Variants in WWOX observed in about 807,000 individuals in gnomAD.
WWOX encodes WW domain containing oxidoreductase.
In WWOX, 69 loss-of-function variants were observed where a neutral mutation model predicts 46.2. That is an observed-to-expected ratio of 1.49 (90% CI 1.23 to 1.82). The LOEUF is 1.82. WWOX is among the 40% of genes most tolerant of loss of function. The probability of loss-of-function intolerance (pLI) is 0.00; values close to 1 mark genes in which losing one functional copy is unlikely to be tolerated. For missense variants in WWOX, 919 were observed against 542.6 expected, an observed-to-expected ratio of 1.69 and a Z score of -6.89; for synonymous variants, 359 against 202.6, an observed-to-expected ratio of 1.77 and a Z score of -6.56.
chr16:78,673,072 A>G (rs186482984), intron 8 of WWOX, among the ~76,000 whole-genome samples: 250 of 152,344 alleles, frequency 1.6e-3, no homozygotes, highest in Non-Finnish European at 2.4e-3. Flanking sequence ...GCAATGGATC[A>G]TGCTTAGAGG....
At chr16:78,295,197 C>T (rs189197491) in intron 5 of WWOX, among the ~76,000 whole-genome samples, 16 of 152,180 alleles carry the variant, frequency 1.1e-4, no homozygotes, top group Non-Finnish European at 2.9e-5. Flanking sequence ...TCATCTACAA[C>T]CCTGCAGATC....
intron 8 of WWOX, among the ~76,000 whole-genome samples, chr16:78,807,951 C>T (rs1324870391): frequency 6.6e-6 from 1 of 152,234 alleles, no homozygotes; most frequent in Non-Finnish European, 1.5e-5. Context: ...TTTCATCGGA[C>T]AGTTTAACTG....
chr16:78,581,801 C>T (rs190346539), intron 8 of WWOX, among the ~76,000 whole-genome samples: 3 of 152,280 alleles, frequency 2.0e-5, no homozygotes, highest in African/African-American at 7.2e-5. Flanking sequence ...AAGTTTTCCC[C>T]ATACCAACTA....
At chr16:78,878,903 A>AAG (rs1187719395) in intron 8 of WWOX, among the ~76,000 whole-genome samples, 2 of 111,676 alleles carry the variant, frequency 1.8e-5, no homozygotes, top group Non-Finnish European at 4.1e-5. Flanking sequence ...AAAAAAATGA[A>AAG]AAAAAAAAAA....
rs183191237 is a variant in WWOX, at chr16:78,538,933, A to G, written c.1056+106181A>G. Reference sequence around the variant, plus strand: ...TGTTTCTTCTGTTGCAATTTCTTCCATTACCTGGAATAGCTGCTTTGGACG... The same window carrying G: ...TGTTTCTTCTGTTGCAATTTCTTCCGTTACCTGGAATAGCTGCTTTGGACG... On this transcript the variant is annotated intron_variant, in intron 8 of 8. Transcript: ENST00000566780. Among the ~76,000 whole-genome samples, 6 of 152,266 alleles carry G rather than the reference A, an allele frequency of 3.9e-5. No homozygotes were observed. In the East Asian group the frequency reaches 1.2e-3, roughly 29 times the overall value.
chr16:78,812,116 C>T (rs1176097518), intron 8 of WWOX, among the ~76,000 whole-genome samples: 1 of 152,106 alleles, frequency 6.6e-6, no homozygotes, highest in Non-Finnish European at 1.5e-5. Flanking sequence ...TCCCCAGCCA[C>T]CACAGAGACC....
At chr16:78,409,159 A>G (rs566026414) in intron 6 of WWOX, among the ~76,000 whole-genome samples, 14 of 152,322 alleles carry the variant, frequency 9.2e-5, no homozygotes, top group African/African-American at 3.4e-4. Context: ...GTAGGATGTG[A>G]TCAGTGCTTT....
intron 8 of WWOX, among the ~76,000 whole-genome samples, chr16:78,593,515 C>A (rs1597319619): frequency 6.6e-6 from 1 of 152,212 alleles, no homozygotes; most frequent in Admixed American, 6.5e-5. Context: ...CCAGGTCAGA[C>A]CAGTCACAGT....
intron 8 of WWOX, among the ~76,000 whole-genome samples, chr16:78,810,326 A>G (rs923912395): frequency 6.6e-6 from 1 of 152,118 alleles, no homozygotes; most frequent in Non-Finnish European, 1.5e-5. Context: ...CTGCCCAATC[A>G]CCTACCCTGC....
intron 8 of WWOX, among the ~76,000 whole-genome samples, chr16:78,672,012 C>G (rs994506773): frequency 1.1e-4 from 16 of 152,090 alleles, no homozygotes; most frequent in African/African-American, 3.9e-4. Flanking sequence ...ACATCATCTG[C>G]TTTTGGGTAG....
intron 5 of WWOX, among the ~76,000 whole-genome samples, chr16:78,370,976 A>ATGTCTTTTTTTTTTTTTTTTTTTTTTTT (rs776317489): frequency 7.8e-6 from 1 of 128,588 alleles, no homozygotes; most frequent in Non-Finnish European, 1.7e-5. Flanking sequence ...CTGTGTTGTG[A>ATGTCTTTTTTTTTTTTTTTTTTTTTTTT]TTTCTTTTTT....
intron 8 of WWOX, among the ~76,000 whole-genome samples, chr16:78,659,295 G>A (rs907556303): frequency 2.0e-5 from 3 of 152,024 alleles, no homozygotes; most frequent in Non-Finnish European, 4.4e-5. Context: ...ATTCAGCCCA[G>A]TTTTTTCAGT....
chr16:78,774,032 T>G (rs554284469), intron 8 of WWOX, among the ~76,000 whole-genome samples: 30 of 152,296 alleles, frequency 2.0e-4, no homozygotes, highest in Middle Eastern at 3.4e-3. Context: ...TGTCCACACA[T>G]CAACTTAATT....
At chr16:79,157,225 A>C (rs997404799) in intron 8 of WWOX, among the ~76,000 whole-genome samples, 3 of 152,154 alleles carry the variant, frequency 2.0e-5, no homozygotes, top group African/African-American at 7.2e-5. Flanking sequence ...AAAAAGACAA[A>C]ACAAGAGCAT....
intron 1 of WWOX, among the ~76,000 whole-genome samples, chr16:78,101,914 T>A (rs927705497): frequency 1.3e-5 from 2 of 152,080 alleles, no homozygotes; most frequent in Non-Finnish European, 2.9e-5. Context: ...CCACGCAGTG[T>A]GTATACCAGG....
chr16:78,382,671 G>A (rs903221165), intron 5 of WWOX, among the ~76,000 whole-genome samples: 4 of 152,160 alleles, frequency 2.6e-5, no homozygotes, highest in Non-Finnish European at 5.9e-5. Flanking sequence ...GTTCTAGATG[G>A]CATGTGCTAA....
At chr16:78,266,834 C>T (rs968257479) in intron 5 of WWOX, among the ~76,000 whole-genome samples, 1 of 151,044 alleles carries the variant, frequency 6.6e-6, no homozygotes, top group African/African-American at 2.4e-5. Context: ...CTGTCTCCCT[C>T]TCTCCCCCTC....
At chr16:79,211,512 T>G in intron 8 of WWOX, 96 bp from the exon 9 acceptor site, 1 of 1,512,622 alleles carries the variant, frequency 6.6e-7, no homozygotes, top group Non-Finnish European at 9.1e-7. Context: ...CTGAACCAGG[T>G]GGGGGAGGCC....
chr16:78,979,280 C>G (rs1213051593), intron 8 of WWOX, among the ~76,000 whole-genome samples: 5 of 152,084 alleles, frequency 3.3e-5, no homozygotes, highest in South Asian at 2.1e-4. Context: ...AGAGATAACG[C>G]CTGTGTTTTA....
Sources: allele counts gnomAD v4.1 joint callset (sites outside exome capture counted in the v4.1 genomes callset), GRCh38; gene constraint gnomAD v4.1.1; transcripts MANE v1.5; gene names NCBI Gene and HGNC (gene_info 2026-07-23, HGNC 2026-07-21).